TRPC6: variants seen among roughly 807,000 people sequenced by gnomAD.
TRPC6 encodes the protein short transient receptor potential channel 6.
TRPC6 carries 55 observed loss-of-function variants against 90.7 expected under a neutral mutation model. That is an observed-to-expected ratio of 0.61 (90% confidence interval 0.49 to 0.76). The LOEUF (loss-of-function observed/expected upper bound fraction) is 0.76. TRPC6 is among the 30% of genes least tolerant of loss of function. TRPC6 has a pLI of 0.00. For missense variants in TRPC6, 989 were observed against 1,122.7 expected (o/e 0.88, Z 1.70); for synonymous variants, 393 against 393.0 (o/e 1.00, Z 0.00).
chr11:101,529,729 C>T (rs1565231359), intron 1 of TRPC6, among the ~76,000 whole-genome samples: 3 of 152,154 alleles, frequency 2.0e-5, no homozygotes, highest in Non-Finnish European at 4.4e-5. Flanking sequence ...ATAGGAGGCC[C>T]CCTGCTCATA....
intron 10 of TRPC6, among the ~76,000 whole-genome samples, chr11:101,465,238 C>T (rs1467495620): frequency 1.3e-5 from 2 of 152,116 alleles, no homozygotes; most frequent in Non-Finnish European, 2.9e-5. Context: ...TTCATTTCAA[C>T]CTTGGTGAAT....
At chr11:101,461,169 GA>G (rs1292147763) in intron 10 of TRPC6, among the ~76,000 whole-genome samples, 5 of 152,284 alleles carry the variant, frequency 3.3e-5, no homozygotes, top group African/African-American at 1.2e-4. Flanking sequence ...AAGGCTTTGA[GA>G]AATTAAATCA....
At chr11:101,482,170 TACTG>T (rs1342579648) in intron 5 of TRPC6, among the ~76,000 whole-genome samples, 2 of 152,236 alleles carry the variant, frequency 1.3e-5, no homozygotes, top group East Asian at 1.9e-4. Context: ...TTGATTTACT[TACTG>T]ACCTGCCTCC....
chr11:101,560,335 T>C (rs970420928), intron 1 of TRPC6, among the ~76,000 whole-genome samples: 3 of 151,968 alleles, frequency 2.0e-5, no homozygotes, highest in African/African-American at 7.2e-5. Context: ...CACAAGCCTC[T>C]AGAGCCTCCA....
At chr11:101,562,909 G>A (rs61916056) in intron 1 of TRPC6, among the ~76,000 whole-genome samples, 36,490 of 152,034 alleles carry the variant, frequency 0.24, 5,486 homozygotes, top group Non-Finnish European at 0.34. Context: ...TGGGGCTGCC[G>A]TGAGGTATTA....
At chr11:101,543,241 A>G (rs1013413565) in intron 1 of TRPC6, among the ~76,000 whole-genome samples, 5 of 152,150 alleles carry the variant, frequency 3.3e-5, no homozygotes, top group African/African-American at 1.2e-4. Context: ...CCTAGAATTC[A>G]TGCATTGCTG....
intron 1 of TRPC6, among the ~76,000 whole-genome samples, chr11:101,512,085 A>T (rs887978911): frequency 6.6e-6 from 1 of 152,146 alleles, no homozygotes; most frequent in Non-Finnish European, 1.5e-5. Context: ...TGAGAGAGTG[A>T]GCACCCATCT....
At chr11:101,531,189 C>T (rs780975635) in intron 1 of TRPC6, among the ~76,000 whole-genome samples, 2 of 152,204 alleles carry the variant, frequency 1.3e-5, no homozygotes, top group Non-Finnish European at 2.9e-5. Context: ...ATCAAATCAT[C>T]ATGTCGTATA....
At chr11:101,522,102 C>G (rs1436849708) in intron 1 of TRPC6, among the ~76,000 whole-genome samples, 3 of 152,098 alleles carry the variant, frequency 2.0e-5, no homozygotes, top group Non-Finnish European at 4.4e-5. Context: ...GTGAGAAGGA[C>G]ATGAGATTTG....
intron 1 of TRPC6, among the ~76,000 whole-genome samples, chr11:101,506,885 A>G (rs993519503): frequency 6.6e-6 from 1 of 152,070 alleles, no homozygotes; most frequent in Non-Finnish European, 1.5e-5. Flanking sequence ...TGGTTATTTT[A>G]TAATTTTAAA....
intron 1 of TRPC6, among the ~76,000 whole-genome samples, chr11:101,578,249 G>C (rs1862115284): frequency 6.6e-6 from 1 of 152,126 alleles, no homozygotes; most frequent in Non-Finnish European, 1.5e-5. Flanking sequence ...ACAAGGGAGA[G>C]ATAACAAGGA....
At chr11:101,548,482 CTCTCTCTCTCTG>C (rs1312494615) in intron 1 of TRPC6, among the ~76,000 whole-genome samples, 13 of 48,700 alleles carry the variant, frequency 2.7e-4, no homozygotes, top group African/African-American at 7.3e-4. Context: ...ATATATCTCT[CTCTCTCTCTCTG>C]TCTCTCACAG....
rs117849360 is a variant in TRPC6, at chr11:101,502,977, T to C, written c.945+1047A>G. On this transcript the variant is annotated intron_variant, in intron 2 of 12. Coordinates refer to ENST00000344327, the MANE Select transcript of TRPC6 (RefSeq NM_004621.6). ...ATTCTCTCAGCATATAGAAAAAAAA[T>C]GAAACCAATATTCACTTCTGTAAAA... Among the ~76,000 whole-genome samples, 156 of 150,266 alleles carry C rather than the reference T, an allele frequency of 1.0e-3. 1 individual carries two copies. The East Asian group carries it at 0.029, about 28-fold the overall frequency.
At chr11:101,466,826 G>T (rs2136660424) in intron 10 of TRPC6, among the ~76,000 whole-genome samples, 1 of 152,324 alleles carries the variant, frequency 6.6e-6, no homozygotes, top group African/African-American at 2.4e-5. Flanking sequence ...GCCCAGTTTT[G>T]TGCTTGAAAC....
At chr11:101,532,073 G>T (rs973554136) in intron 1 of TRPC6, among the ~76,000 whole-genome samples, 18 of 152,190 alleles carry the variant, frequency 1.2e-4, no homozygotes, top group African/African-American at 4.3e-4. Context: ...CAAGTCCAGG[G>T]TTTAGATCAA....
At chr11:101,583,115 T>A (rs1244510115) in intron 1 of TRPC6, 1 of 962,274 alleles carries the variant, frequency 1.0e-6, no homozygotes, top group Non-Finnish European at 1.2e-6. Flanking sequence ...CATGCGTACC[T>A]ACGAGGAGCA....
At chr11:101,528,642 T>C (rs1371459909) in intron 1 of TRPC6, among the ~76,000 whole-genome samples, 7 of 152,168 alleles carry the variant, frequency 4.6e-5, no homozygotes, top group Non-Finnish European at 7.3e-5. Flanking sequence ...CTTTCTCTTA[T>C]AGAAATCTGT....
intron 1 of TRPC6, among the ~76,000 whole-genome samples, chr11:101,544,941 T>C (rs1008866954): frequency 4.6e-5 from 7 of 152,132 alleles, no homozygotes; most frequent in Non-Finnish European, 8.8e-5. Context: ...TTTCTAGGAA[T>C]GTACTTGGAG....
At chr11:101,458,625 G>A (rs1858937741) in intron 10 of TRPC6, among the ~76,000 whole-genome samples, 1 of 152,174 alleles carries the variant, frequency 6.6e-6, no homozygotes, top group South Asian at 2.1e-4. Context: ...TGAAGATAAT[G>A]AATAGGTCTG....
Sources: gnomAD v4.1 joint callset for allele counts (sites outside exome capture counted in the v4.1 genomes callset) on GRCh38, gnomAD v4.1.1 for gene constraint, MANE v1.5 for transcripts, NCBI Gene and HGNC (gene_info 2026-07-23, HGNC 2026-07-21) for gene names.